RBFOX3: variants seen among roughly 807,000 people sequenced by gnomAD.
The protein encoded by RBFOX3 is RNA binding protein fox-1 homolog 3.
RBFOX3 carries 17 observed loss-of-function variants against 48.7 expected under a neutral mutation model. The ratio of observed to expected loss-of-function variants is 0.35; its 90% confidence interval spans 0.24 to 0.52. RBFOX3 has a LOEUF of 0.52. Ranked by LOEUF, RBFOX3 falls within the 20% of genes least tolerant of loss-of-function variation. The pLI, the probability that RBFOX3 is intolerant of heterozygous loss-of-function variation, is 0.94. For missense variants in RBFOX3, 382 were observed against 497.5 expected, an observed-to-expected ratio of 0.77 and a Z score of 2.21; for synonymous variants, 212 against 209.5, an observed-to-expected ratio of 1.01 and a Z score of -0.10.
At chr17:79,550,781 G>GTGGA (rs1568407090) in intron 1 of RBFOX3, among the ~76,000 whole-genome samples, 1 of 151,474 alleles carries the variant, frequency 6.6e-6, no homozygotes, top group African/African-American at 2.4e-5. Flanking sequence ...GCGTGGGTGG[G>GTGGA]TGGATGGATG....
intron 3 of RBFOX3, among the ~76,000 whole-genome samples, chr17:79,298,905 G>A (rs1488677470): frequency 2.0e-5 from 3 of 152,228 alleles, no homozygotes; most frequent in Non-Finnish European, 4.4e-5. Context: ...CTTGCTGGCA[G>A]GACAAGACAG....
chr17:79,165,789 C>A (rs1167606747), intron 4 of RBFOX3, among the ~76,000 whole-genome samples: 2 of 152,206 alleles, frequency 1.3e-5, no homozygotes, highest in East Asian at 3.9e-4. Context: ...TCATTAGGGG[C>A]TGAGTCCTGG....
chr17:79,127,769 C>G (rs2037698710), intron 4 of RBFOX3, among the ~76,000 whole-genome samples: 1 of 152,182 alleles, frequency 6.6e-6, no homozygotes, highest in African/African-American at 2.4e-5. Flanking sequence ...ATCTGGATAT[C>G]TCCGAGGAGG....
At chr17:79,232,927 G>A (rs776189114) in intron 4 of RBFOX3, among the ~76,000 whole-genome samples, 7 of 152,180 alleles carry the variant, frequency 4.6e-5, no homozygotes, top group African/African-American at 1.4e-4. Flanking sequence ...ATGTAAAGTC[G>A]TGCAACCACT....
At position 79,243,237 on chromosome 17, in the gene RBFOX3, C is replaced by T. The variant is rs1045511531; in HGVS notation, c.-73-7432G>A. Among the ~76,000 whole-genome samples, 5 of 152,092 alleles carry T rather than the reference C, an allele frequency of 3.3e-5. No individual in the cohort carries two copies. Among genetic ancestry groups the T allele is most frequent in the Admixed American group, 6.5e-5 (1 of 15,276 alleles). ...CCTGACCACAACCTTGTGCTTAGAGCTGATTATTCTGCTCAGGCCAAGCAC... is the reference window on the plus strand; with the variant it reads ...CCTGACCACAACCTTGTGCTTAGAGTTGATTATTCTGCTCAGGCCAAGCAC... On this transcript the variant is annotated intron_variant, in intron 3 of 14. Transcript: ENST00000693108. The surrounding 1 kb of genome is among the most constrained non-coding windows in gnomAD (Gnocchi z 7.9).
chr17:79,347,828 G>A (rs2083160808), intron 2 of RBFOX3, among the ~76,000 whole-genome samples: 1 of 152,058 alleles, frequency 6.6e-6, no homozygotes, highest in South Asian at 2.1e-4. Context: ...GATAGAATCT[G>A]GAAGCTGTAA....
At chr17:79,219,713 T>C (rs151063259) in intron 4 of RBFOX3, among the ~76,000 whole-genome samples, 2,516 of 151,234 alleles carry the variant, frequency 0.017, 62 homozygotes, top group African/African-American at 0.059. Flanking sequence ...TCCGGGGAGG[T>C]CGGCTGGGGC....
At chr17:79,633,725 C>T in the RBFOX3 span, among the ~76,000 whole-genome samples, 2 of 152,128 alleles carry the variant, frequency 1.3e-5, no homozygotes, top group Non-Finnish European at 2.9e-5. Flanking sequence ...GAATTTCCAT[C>T]GTGAGGCATC....
intron 1 of RBFOX3, among the ~76,000 whole-genome samples, chr17:79,516,346 A>C (rs1599018196): frequency 6.6e-6 from 1 of 152,164 alleles, no homozygotes; most frequent in Non-Finnish European, 1.5e-5. Flanking sequence ...CTCCCTGGGC[A>C]CCCCTGCCTT....
rs553188489 is a variant in RBFOX3 at position 79,144,188 on chromosome 17, C to A, written c.-33-28440G>T. On this transcript the variant is annotated intron_variant, in intron 4 of 14. Coordinates refer to ENST00000693108, the MANE Select transcript of RBFOX3 (RefSeq NM_001350451.2). ...GGCCTGCCTCCCCCTGCCTCTGAGCCAGGCCAGGCCCTCCAAGCCGTCCTG... is the reference window on the plus strand; with the variant it reads ...GGCCTGCCTCCCCCTGCCTCTGAGCAAGGCCAGGCCCTCCAAGCCGTCCTG... Among the ~76,000 whole-genome samples, 135 of 152,312 alleles carry A rather than the reference C, an allele frequency of 8.9e-4. 1 individual carries two copies. Among genetic ancestry groups the A allele is most frequent in the East Asian group, 5.2e-3 (27 of 5,170 alleles).
At chr17:79,594,276 C>T (rs1234961583) in intron 1 of RBFOX3, among the ~76,000 whole-genome samples, 2 of 152,166 alleles carry the variant, frequency 1.3e-5, no homozygotes, top group Non-Finnish European at 2.9e-5. Context: ...GAAACAAGGT[C>T]TTTCTTCTAG....
At chr17:79,432,683 T>C (rs2068677846) in intron 2 of RBFOX3, among the ~76,000 whole-genome samples, 2 of 151,702 alleles carry the variant, frequency 1.3e-5, no homozygotes, top group African/African-American at 2.4e-5. Flanking sequence ...GTTCATTTAC[T>C]GATGAGAAAC....
At chr17:79,211,961 C>G (rs1432574637) in intron 4 of RBFOX3, among the ~76,000 whole-genome samples, 1 of 152,160 alleles carries the variant, frequency 6.6e-6, no homozygotes, top group Admixed American at 6.5e-5. Context: ...GACCCCTGCC[C>G]ACAAGGAACT....
intron 2 of RBFOX3, among the ~76,000 whole-genome samples, chr17:79,353,754 G>T (rs1247651980): frequency 1.3e-5 from 2 of 152,170 alleles, no homozygotes; most frequent in Non-Finnish European, 2.9e-5. Context: ...GCTTAGCCAG[G>T]TGTCTGGCTG....
intron 4 of RBFOX3, among the ~76,000 whole-genome samples, chr17:79,218,204 G>C (rs1360234452): frequency 1.3e-5 from 2 of 152,110 alleles, no homozygotes; most frequent in East Asian, 3.9e-4. Context: ...GAGCTGGCGA[G>C]GCTGGGAGGG....
intron 1 of RBFOX3, among the ~76,000 whole-genome samples, chr17:79,499,315 C>T (rs1432869797): frequency 2.6e-5 from 4 of 151,960 alleles, no homozygotes; most frequent in African/African-American, 7.3e-5. Context: ...TTCATTCATG[C>T]ACTCATCCAT....
intron 2 of RBFOX3, among the ~76,000 whole-genome samples, chr17:79,469,596 A>G (rs1029256038): frequency 1.3e-5 from 2 of 151,970 alleles, no homozygotes; most frequent in Non-Finnish European, 2.9e-5. Flanking sequence ...ACCACCCTTT[A>G]GGTGCCACAA....
chr17:79,328,051 C>A (rs1422088483), intron 2 of RBFOX3, among the ~76,000 whole-genome samples: 4 of 152,126 alleles, frequency 2.6e-5, no homozygotes, highest in South Asian at 4.2e-4. Flanking sequence ...TTGCTCTGGG[C>A]AATCAGGAAA....
At chr17:79,211,153 C>T (rs968263489) in intron 4 of RBFOX3, among the ~76,000 whole-genome samples, 9 of 152,234 alleles carry the variant, frequency 5.9e-5, no homozygotes, top group African/African-American at 2.2e-4. Flanking sequence ...GGTCTCAGTC[C>T]TGGGCCACGG....
Sources: gnomAD v4.1 joint callset for allele counts (sites outside exome capture counted in the v4.1 genomes callset) on GRCh38, gnomAD v4.1.1 for gene constraint, Gnocchi (gnomAD v3.1) non-coding constraint, MANE v1.5 for transcripts, NCBI Gene and HGNC (gene_info 2026-07-23, HGNC 2026-07-21) for gene names.